The following JPH3 variants were observed in gnomAD, a reference collection of about 807,000 sequenced individuals.
JPH3 encodes the protein junctophilin 3, also known as junctophilin-3.
JPH3 carries 11 observed loss-of-function variants against 59.6 expected under a neutral mutation model. The ratio of observed to expected loss-of-function variants is 0.18; its 90% CI spans 0.12 to 0.31. The LOEUF (loss-of-function observed/expected upper bound fraction) is 0.31, where lower values mean the gene tolerates loss of function less well. Among genes scored for constraint, JPH3 ranks in the 10% least tolerant of loss-of-function variants. The pLI is 1.00. For missense variants in JPH3, 1,202 were observed against 1,105.7 expected, an observed-to-expected ratio of 1.09 and a Z score of -1.24; for synonymous variants, 673 against 483.6, an observed-to-expected ratio of 1.39 and a Z score of -5.14.
chr16:87,652,647 C>T (rs918524858), intron 2 of JPH3, among the ~76,000 whole-genome samples: 3 of 152,158 alleles, frequency 2.0e-5, no homozygotes, highest in Non-Finnish European at 4.4e-5. Context: ...TGGGGTCAGC[C>T]CCCGTCTGTC....
At chr16:87,614,997 A>T (rs2030900397) in intron 1 of JPH3, among the ~76,000 whole-genome samples, 1 of 133,008 alleles carries the variant, frequency 7.5e-6, no homozygotes, top group Non-Finnish European at 1.6e-5. Context: ...CCCTCCCGGG[A>T]TAAACGCTGG....
At chr16:87,677,262 A>C (rs2033175842) in intron 2 of JPH3, among the ~76,000 whole-genome samples, 1 of 148,000 alleles carries the variant, frequency 6.8e-6, no homozygotes, top group Non-Finnish European at 1.5e-5. Context: ...GGGCGCCTGT[A>C]ATCCCAGCCA....
chr16:87,690,072 C>T lies in JPH3; in HGVS notation c.1712C>T (p.Pro571Leu), dbSNP rs1207435298. ...CGCAAGCAGCCCGGGAACCCCAAGC[C>T]GCGGGAGCGGCGGACGGAGTCACCC... ...SGRKQPGNPKPRERRTESPPV... is the reference protein window; with the variant it reads ...SGRKQPGNPKLRERRTESPPV... The change falls in exon 4 of 5, where the codon CCG becomes CTG. Residue 571 changes from proline to leucine, a missense_variant. Transcript: ENST00000284262. 1.9e-6 allele frequency: 3 copies of T among 1,581,968 alleles called. No homozygotes were observed. Among genetic ancestry groups the T allele is most frequent in the Non-Finnish European group, 2.6e-6 (3 of 1,163,998 alleles).
At chr16:87,659,374 C>CAAAAAAAAAAAAAAAAAAAAAAAAAAAA (rs1354448370) in intron 2 of JPH3, among the ~76,000 whole-genome samples, 6 of 74,538 alleles carry the variant, frequency 8.0e-5, no homozygotes, top group East Asian at 3.6e-4. Flanking sequence ...AAGACTGTCT[C>CAAAAAAAAAAAAAAAAAAAAAAAAAAAA]AAAAAAAAAA....
Position 87,686,124 on chromosome 16 carries a change from C to T in JPH3, c.1285+1858C>T, listed in dbSNP as rs138387695. 2.0e-3 allele frequency among the ~76,000 whole-genome samples: 303 copies of T among 152,328 alleles called. 1 individual carries two copies. Among genetic ancestry groups the T allele is most frequent in the African/African-American group, 6.6e-3 (276 of 41,568 alleles). On this transcript the variant is annotated intron_variant, in intron 3 of 4. Transcript: ENST00000284262. ...AGCAGCACTCCCGACACCTGGATCA[C>T]GGCTTCTAACTTCCAGAAACACGAG...
At chr16:87,635,587 A>G (rs1395744599) in intron 1 of JPH3, among the ~76,000 whole-genome samples, 1 of 152,168 alleles carries the variant, frequency 6.6e-6, no homozygotes. Context: ...AGCATTAGGA[A>G]TGCAGCTTCT....
At chr16:87,632,690 C>T (rs112920029) in intron 1 of JPH3, among the ~76,000 whole-genome samples, 35 of 152,144 alleles carry the variant, frequency 2.3e-4, no homozygotes, top group Admixed American at 1.4e-3. Flanking sequence ...GTCAGGAATT[C>T]GACACCAGCC....
chr16:87,627,111 G>A (rs1313744387), intron 1 of JPH3, among the ~76,000 whole-genome samples: 1 of 152,220 alleles, frequency 6.6e-6, no homozygotes, highest in Non-Finnish European at 1.5e-5. Flanking sequence ...TCTGGGCCGG[G>A]GGGCGAGGCC....
chr16:87,657,499 A>G (rs934249393), intron 2 of JPH3, among the ~76,000 whole-genome samples: 2 of 152,230 alleles, frequency 1.3e-5, no homozygotes, highest in Non-Finnish European at 2.9e-5. Flanking sequence ...CGTTGAATGT[A>G]CTGAATGCCA....
At chr16:87,652,101 A>G (rs978504356) in intron 2 of JPH3, among the ~76,000 whole-genome samples, 2 of 152,112 alleles carry the variant, frequency 1.3e-5, no homozygotes, top group African/African-American at 4.8e-5. Flanking sequence ...CAGCCTCCCA[A>G]GTAGCTGGGA....
At chr16:87,659,072 G>A (rs1278835502) in intron 2 of JPH3, among the ~76,000 whole-genome samples, 1 of 152,178 alleles carries the variant, frequency 6.6e-6, no homozygotes, top group Non-Finnish European at 1.5e-5. Flanking sequence ...GCCTGGCTTT[G>A]TCGCGACGGC....
intron 1 of JPH3, among the ~76,000 whole-genome samples, chr16:87,640,578 A>G (rs1006488569): frequency 6.6e-6 from 1 of 151,844 alleles, no homozygotes; most frequent in Non-Finnish European, 1.5e-5. Flanking sequence ...TTTTTAGTAG[A>G]GACAGGATTT....
At chr16:87,696,319 G>A (rs559876283) in intron 4 of JPH3, among the ~76,000 whole-genome samples, 5 of 152,068 alleles carry the variant, frequency 3.3e-5, no homozygotes, top group South Asian at 2.1e-4. Context: ...TCAGGGTGTC[G>A]GGGCCACAAG....
chr16:87,692,867 C>T lies in JPH3; in HGVS notation c.2166+2341C>T, dbSNP rs542062023. 1.8e-4 allele frequency among the ~76,000 whole-genome samples: 27 copies of T among 152,342 alleles called. 1 individual carries two copies. The South Asian group carries it at 2.5e-3, about 14-fold the overall frequency. ...CGTACCTGCTTCCCGGCCCAGAGCA[C>T]GGGCTGGACTGTGGCAGAAGAGGTG... On this transcript the variant is annotated intron_variant, in intron 4 of 4. Transcript: ENST00000284262.
In JPH3 at chr16:87,603,119, T is replaced by G; in HGVS notation, c.-28T>G. 1 of 1,613,576 alleles carries G rather than the reference T, an allele frequency of 6.2e-7. No individual in the cohort carries two copies. On this transcript the variant is annotated 5_prime_UTR_variant, in exon 1 of 5. Coordinates refer to ENST00000284262, the MANE Select transcript of JPH3 (RefSeq NM_020655.4). ...GATCGCCTGAGTCCGTTTTCACCGT[T>G]TGCGGGATCTGGAACCGAGTTACAT...
chr16:87,664,876 G>A (rs537308771), intron 2 of JPH3, among the ~76,000 whole-genome samples: 40 of 152,310 alleles, frequency 2.6e-4, no homozygotes, highest in African/African-American at 8.7e-4. Context: ...GCCCAAGGAA[G>A]CGTCATGAGG....
At chr16:87,660,929 A>G (rs1263665744) in intron 2 of JPH3, among the ~76,000 whole-genome samples, 1 of 152,250 alleles carries the variant, frequency 6.6e-6, no homozygotes, top group Non-Finnish European at 1.5e-5. Flanking sequence ...TGACAATGGT[A>G]CAGGCTGTGA....
At chr16:87,649,795 C>G (rs1364993888) in intron 2 of JPH3, among the ~76,000 whole-genome samples, 1 of 152,232 alleles carries the variant, frequency 6.6e-6, no homozygotes, top group Non-Finnish European at 1.5e-5. Context: ...GGAGACATCT[C>G]AAGTGTGACC....
intron 2 of JPH3, among the ~76,000 whole-genome samples, chr16:87,645,568 C>G (rs1469503498): frequency 1.3e-5 from 2 of 152,158 alleles, no homozygotes; most frequent in Non-Finnish European, 2.9e-5. Flanking sequence ...CTCATGCAGG[C>G]CTGGTGCTTT....
Sources: allele counts gnomAD v4.1 joint callset (sites outside exome capture counted in the v4.1 genomes callset), GRCh38; gene constraint gnomAD v4.1.1; transcripts MANE v1.5; gene names NCBI Gene and HGNC (gene_info 2026-07-23, HGNC 2026-07-21).